Variants in FANCM observed in about 807,000 individuals in gnomAD.
FANCM encodes Fanconi anemia group M protein.
FANCM carries 140 observed loss-of-function variants against 199.5 expected under a neutral mutation model. The ratio of observed to expected loss-of-function variants is 0.70; its 90% CI spans 0.61 to 0.81. FANCM has a LOEUF of 0.81. Ranked by LOEUF, FANCM falls within the 30% of genes least tolerant of loss-of-function variation. FANCM has a pLI of 0.00. For missense variants in FANCM, 2,410 were observed against 2,421.4 expected (o/e 1.00, Z 0.10); for synonymous variants, 840 against 836.8 (o/e 1.00, Z -0.07).
intron 12 of FANCM, among the ~76,000 whole-genome samples, chr14:45,171,660 TC>T (rs2139230066): frequency 6.6e-6 from 1 of 151,578 alleles, no homozygotes; most frequent in African/African-American, 2.4e-5. Context: ...ATAATTTCAT[TC>T]TTTTTTTTAT....
rs771652085 is a variant in FANCM at position 45,176,727 on chromosome 14, T to C, written c.3973T>C (p.Tyr1325His). 6.2e-7 allele frequency: 1 copy of C among 1,613,512 alleles called. No individual in the cohort carries two copies. The highest frequency in any genetic ancestry group is 1.7e-5 in the Admixed American group (1 of 60,004). Residue 1325 changes from tyrosine (Y) to histidine (H), a missense_variant, in exon 14 of 23, where the codon TAT becomes CAT. Physicochemically the swap from Tyr to His is moderately conservative, Grantham distance 83. Transcript: ENST00000267430. ...AKNEELLSPG[Y>H]SQFSLPVQKK... ...AAATGAAGAATTGTTATCTCCTGGT[T>C]ATTCTCAGTTTTCTTTACCAGTGCA...
rs778993078 is a variant in FANCM, at chr14:45,200,137, TTTTA to T, written c.*135_*138del. ...TTTAAATATTTTATATTGTATACAT[TTTTA>T]TTTATAGATTATAGAAATTATTAAA... On this transcript the variant is annotated 3_prime_UTR_variant, in exon 23 of 23. Coordinates refer to ENST00000267430, the MANE Select transcript of FANCM (RefSeq NM_020937.4). 3.0e-4 allele frequency: 102 copies of T among 335,820 alleles called. No homozygotes were observed. Among genetic ancestry groups the T allele is most frequent in the South Asian group, 1.2e-3 (13 of 11,298 alleles). 20.8% of individuals were successfully genotyped at this position (335,820 alleles called of 1,614,324 possible).
rs78666636 is a variant in FANCM, at chr14:45,153,616, A to G, written c.1051-304A>G. ...CTGCCAATTAATTTACCTGTAAAGA[A>G]AAACAATATAATTTTTTTTTCCTTT... is the stretch of plus-strand genomic sequence containing the variant. On this transcript the variant is annotated intron_variant, in intron 5 of 22. Transcript: ENST00000267430. Among the ~76,000 whole-genome samples the G allele has an allele frequency of 0.086, 13,113 of 152,290 alleles. 739 individuals carry two copies. Among genetic ancestry groups the G allele is most frequent in the South Asian group, 0.18 (878 of 4,828 alleles).
At chr14:45,140,588 T>G in intron 2 of FANCM, 44 bp from the exon 3 acceptor site, 1 of 1,020,686 alleles carries the variant, frequency 9.8e-7, no homozygotes, top group Non-Finnish European at 1.5e-6. Flanking sequence ...CACTGTTATT[T>G]TTGCATTGAA....
At chr14:45,195,876 C>T (rs557261750) in intron 20 of FANCM, among the ~76,000 whole-genome samples, 8 of 151,914 alleles carry the variant, frequency 5.3e-5, no homozygotes, top group African/African-American at 1.9e-4. Context: ...TTTTTTTTCT[C>T]TAGGCTAAAA....
At chr14:45,177,363 T>C (rs1446563161) in intron 14 of FANCM, among the ~76,000 whole-genome samples, 1 of 151,960 alleles carries the variant, frequency 6.6e-6, no homozygotes. Context: ...ATGATGAAAT[T>C]TTGAGGTTGA....
chr14:45,168,268 A>G (rs554862432), intron 11 of FANCM, among the ~76,000 whole-genome samples: 3 of 152,268 alleles, frequency 2.0e-5, no homozygotes, highest in African/African-American at 7.2e-5. Context: ...ACTTAATACA[A>G]ATGCACTTAA....
At chr14:45,162,229 T>G (rs1374854645) in intron 9 of FANCM, among the ~76,000 whole-genome samples, 1 of 152,106 alleles carries the variant, frequency 6.6e-6, no homozygotes, top group Non-Finnish European at 1.5e-5. Flanking sequence ...CTACTGAAAA[T>G]ACAAAAATTA....
Position 45,136,038 on chromosome 14 carries a change from G to C in FANCM, c.7G>C (p.Gly3Arg). MS[G>R]RQRTLFQTWG... ...TTCGGTGGTTGTCGGCCTAATGAGC[G>C]GACGGCAAAGAACGCTTTTTCAGAC... Residue 3 changes from glycine (G) to arginine (R), a missense_variant, in exon 1 of 23, where the codon GGA becomes CGA. Transcript: ENST00000267430. The C allele has an allele frequency of 6.2e-7, 1 of 1,613,328 alleles. No homozygotes were observed. Among genetic ancestry groups the C allele is most frequent in the Non-Finnish European group, 8.5e-7 (1 of 1,180,016 alleles).
At chr14:45,154,978 A>G (rs1278334770) in intron 7 of FANCM, among the ~76,000 whole-genome samples, 156 bp downstream of exon 7, 1 of 152,176 alleles carries the variant, frequency 6.6e-6, no homozygotes, top group South Asian at 2.1e-4. Flanking sequence ...TAAGATTAAT[A>G]TATATTCAAA....
Position 45,200,272 on chromosome 14 carries a change from GAA to G in FANCM, c.*266_*267del. ...AAAAGTGTTACTAAGGATAGTTTAA[GAA>G]AGTAAAAGCTAAGCTAGAGATATAC... On this transcript the variant is annotated 3_prime_UTR_variant, in exon 23 of 23. Coordinates refer to ENST00000267430, the MANE Select transcript of FANCM (RefSeq NM_020937.4). The G allele has an allele frequency of 6.1e-6, 1 of 164,568 alleles. No individual in the cohort carries two copies. The highest frequency in any genetic ancestry group is 1.3e-5 in the Non-Finnish European group (1 of 78,330). 10.2% of individuals were successfully genotyped at this position (164,568 alleles called of 1,614,324 possible).
chr14:45,173,026 T>C (rs1260898353), intron 12 of FANCM, 29 bp from the exon 13 acceptor site: 1 of 1,521,412 alleles, frequency 6.6e-7, no homozygotes, highest in Non-Finnish European at 9.1e-7. Flanking sequence ...TATGTTTTCA[T>C]CATTTTTATT....
intron 8 of FANCM, among the ~76,000 whole-genome samples, chr14:45,158,664 T>C (rs1887365452): frequency 6.6e-6 from 1 of 152,190 alleles, no homozygotes; most frequent in Non-Finnish European, 1.5e-5. Context: ...AGGGAAATGA[T>C]AGCCATTATG....
At chr14:45,171,152 T>G (rs1400362890) in intron 12 of FANCM, among the ~76,000 whole-genome samples, 1 of 151,694 alleles carries the variant, frequency 6.6e-6, no homozygotes, top group Non-Finnish European at 1.5e-5. Flanking sequence ...TTTTTTTTTT[T>G]TAAGAGATGA....
chr14:45,159,254 G>T lies in FANCM; in HGVS notation c.1555G>T (p.Gly519Cys). Residue 519 changes from glycine to cysteine, a missense_variant, in exon 9 of 23, where the codon GGT becomes TGT. Physicochemically the swap from Gly to Cys is radical, Grantham distance 159 (BLOSUM62 -3). Transcript: ENST00000267430. Reference protein sequence around the residue: ...VGHASGKSTKGFTQKEQLEVV... With the variant: ...VGHASGKSTKCFTQKEQLEVV... ...CCATGCCTCAGGGAAAAGCACGAAG[G>T]GTTTTACCCAGAAGGAGCAACTGGA... is the stretch of plus-strand genomic sequence containing the variant. 6.2e-7 allele frequency: 1 copy of T among 1,613,146 alleles called. No homozygotes were observed. Among genetic ancestry groups the T allele is most frequent in the Non-Finnish European group, 8.5e-7 (1 of 1,179,450 alleles).
chr14:45,139,752 G>T (rs1410297349), intron 2 of FANCM, among the ~76,000 whole-genome samples: 1 of 152,150 alleles, frequency 6.6e-6, no homozygotes, highest in Non-Finnish European at 1.5e-5. Flanking sequence ...CCAATGCCAG[G>T]GATCACTTGA....
In FANCM at chr14:45,173,218, T is replaced by G; in HGVS notation, c.2316+8T>G. On this transcript the variant is annotated splice_region_variant and intron_variant, in intron 13 of 22. Coordinates refer to ENST00000267430, the MANE Select transcript of FANCM (RefSeq NM_020937.4). ...GGAATGAGACACGAAGAGGTGGGGT[T>G]TTATTGTAACTTTCTCTTGCTGGTA... is the stretch of plus-strand genomic sequence containing the variant. 6.2e-7 allele frequency: 1 copy of G among 1,612,680 alleles called. No homozygotes were observed. The highest frequency in any genetic ancestry group is 1.7e-4 in the Middle Eastern group (1 of 6,054).
At chr14:45,173,298 A>G in intron 13 of FANCM, 88 bp downstream of exon 13, 3 of 1,226,618 alleles carry the variant, frequency 2.4e-6, no homozygotes, top group Non-Finnish European at 2.4e-6. Context: ...AAGTAATAAG[A>G]AATACTTTGT....
intron 11 of FANCM, among the ~76,000 whole-genome samples, chr14:45,168,402 G>A (rs1301780079): frequency 2.0e-5 from 3 of 151,706 alleles, no homozygotes; most frequent in African/African-American, 7.3e-5. Flanking sequence ...TGATTAGGTT[G>A]GATAAATCAT....
Sources: gnomAD v4.1 joint callset for allele counts (sites outside exome capture counted in the v4.1 genomes callset) on GRCh38, gnomAD v4.1.1 for gene constraint, MANE v1.5 for transcripts, NCBI Gene and HGNC (gene_info 2026-07-23, HGNC 2026-07-21) for gene names.